The following GJB7 variants were observed in gnomAD, a reference collection of about 807,000 sequenced individuals.
GJB7 encodes the protein gap junction beta-7 protein.
For missense variants in GJB7, 253 were observed against 256.8 expected (o/e 0.99, Z 0.10); for synonymous variants, 87 against 95.2 (o/e 0.91, Z 0.50).
At position 87,303,055 on chromosome 6, in the gene GJB7, C is replaced by T. The variant is rs1414567133; in HGVS notation, c.-27-18116G>A. 3.3e-5 allele frequency among the ~76,000 whole-genome samples: 5 copies of T among 152,112 alleles called. No homozygotes were observed. The East Asian group carries it at 9.6e-4, about 29-fold the overall frequency. The stretch of plus-strand genomic sequence containing the variant: ...TAAACATGGAAAGGAACAACCAGTA[C>T]CAGCCACTGCAAAAACATGCCAAAT... On this transcript the variant is annotated intron_variant, in intron 2 of 2. Coordinates refer to ENST00000525899, the MANE Select transcript of GJB7 (RefSeq NM_198568.3).
chr6:87,298,953 T>C, intron 2 of GJB7: 1 of 450,152 alleles, frequency 2.2e-6, no homozygotes. Context: ...CAATGATTGA[T>C]CAACTGGGGA....
chr6:87,316,356 T>C (rs1489617100), intron 2 of GJB7, among the ~76,000 whole-genome samples: 2 of 152,174 alleles, frequency 1.3e-5, no homozygotes, highest in African/African-American at 4.8e-5. Flanking sequence ...CTTTTCTTTT[T>C]CTTGCATAGC....
intron 2 of GJB7, among the ~76,000 whole-genome samples, chr6:87,287,503 A>G (rs1472421674): frequency 6.6e-6 from 1 of 152,250 alleles, no homozygotes; most frequent in African/African-American, 2.4e-5. Context: ...CATGTACACA[A>G]TGCCCTATTC....
intron 1 of GJB7, among the ~76,000 whole-genome samples, chr6:87,325,593 G>T (rs1776798546): frequency 6.6e-6 from 1 of 150,570 alleles, no homozygotes; most frequent in African/African-American, 2.5e-5. Context: ...TATTGAACCA[G>T]CCTTGCATCC....
chr6:87,327,120 G>A (rs1183745641), intron 1 of GJB7, among the ~76,000 whole-genome samples: 2 of 151,438 alleles, frequency 1.3e-5, no homozygotes, highest in Non-Finnish European at 1.5e-5. Flanking sequence ...CATTTGCTTG[G>A]TAGATGTTCC....
intron 2 of GJB7, among the ~76,000 whole-genome samples, chr6:87,294,532 A>T (rs1243581283): frequency 6.6e-6 from 1 of 152,244 alleles, no homozygotes; most frequent in Non-Finnish European, 1.5e-5. Flanking sequence ...GGGAACCATC[A>T]CACATGTAGA....
intron 2 of GJB7, among the ~76,000 whole-genome samples, chr6:87,304,432 G>T (rs148927476): frequency 0.019 from 2,880 of 152,236 alleles, 94 homozygotes; most frequent in African/African-American, 0.065. Flanking sequence ...TAGAAGAAAT[G>T]GATAAATTTC....
Position 87,283,420 on chromosome 6 carries a change from G to C in GJB7, c.*821C>G, listed in dbSNP as rs1000960012. The C allele has an allele frequency of 5.9e-5, 9 of 152,146 alleles. No homozygotes were observed. Among genetic ancestry groups the C allele is most frequent in the African/African-American group, 9.7e-5 (4 of 41,422 alleles). The allele number at this position is 152,146 out of a possible 1,614,324, so 9.4% of individuals were successfully genotyped here. Reference sequence around the variant, plus strand: ...TTTCTGACTCTAGAGTGACCCTTTCGGATGTCTGCTGGTTCAGGCTTAAGT... The same window carrying C: ...TTTCTGACTCTAGAGTGACCCTTTCCGATGTCTGCTGGTTCAGGCTTAAGT... On this transcript the variant is annotated 3_prime_UTR_variant, in exon 3 of 3. Coordinates refer to ENST00000525899, the MANE Select transcript of GJB7 (RefSeq NM_198568.3).
intron 2 of GJB7, among the ~76,000 whole-genome samples, chr6:87,294,699 C>T (rs1436700457): frequency 6.6e-6 from 1 of 152,190 alleles, no homozygotes; most frequent in East Asian, 1.9e-4. Context: ...GTCTAAAAGA[C>T]AGTGACCAGG....
intron 2 of GJB7, among the ~76,000 whole-genome samples, chr6:87,295,804 C>T (rs1049879470): frequency 3.9e-5 from 6 of 152,144 alleles, no homozygotes; most frequent in African/African-American, 1.4e-4. Context: ...CTCATATTTT[C>T]AATATTTGCA....
At chr6:87,300,171 C>A (rs1582559085) in intron 2 of GJB7, 1 of 220,812 alleles carries the variant, frequency 4.5e-6, no homozygotes, top group South Asian at 1.4e-4. Context: ...AAAGAACACT[C>A]AAAAATCCTG....
rs143082252 is a variant in GJB7 at position 87,318,961 on chromosome 6, T to C, written c.-28+3905A>G. On this transcript the variant is annotated intron_variant, in intron 2 of 2. Transcript: ENST00000525899. ...ATTAAATATTGTCAACCAACTATTC[T>C]TGCCTGAATTTTAAAAAGCGCTAGT... Among the ~76,000 whole-genome samples, 1,232 of 152,332 alleles carry C rather than the reference T, an allele frequency of 8.1e-3. 28 individuals are homozygous for C. Among genetic ancestry groups the C allele is most frequent in the African/African-American group, 0.029 (1,192 of 41,564 alleles).
intron 2 of GJB7, among the ~76,000 whole-genome samples, chr6:87,308,751 A>G (rs1805430601): frequency 6.6e-6 from 1 of 152,148 alleles, no homozygotes; most frequent in African/African-American, 2.4e-5. Flanking sequence ...TTACTGAGGC[A>G]TATCGTGATA....
intron 2 of GJB7, among the ~76,000 whole-genome samples, chr6:87,308,942 T>C (rs1050940757): frequency 2.6e-5 from 4 of 152,236 alleles, no homozygotes; most frequent in Non-Finnish European, 4.4e-5. Context: ...AATAATCTTA[T>C]AGGGAACACA....
At chr6:87,287,006 G>A (rs530468928) in intron 2 of GJB7, among the ~76,000 whole-genome samples, 2 of 152,270 alleles carry the variant, frequency 1.3e-5, no homozygotes, top group African/African-American at 4.8e-5. Context: ...AGGAAGTTTA[G>A]TAGCATCTCT....
chr6:87,328,506 C>G (rs1289282055), intron 1 of GJB7, among the ~76,000 whole-genome samples: 2 of 151,722 alleles, frequency 1.3e-5, no homozygotes. Flanking sequence ...TTGGAGTACC[C>G]GGCCGTGTGA....
At chr6:87,328,585 C>CA (rs1180336194) in intron 1 of GJB7, among the ~76,000 whole-genome samples, 1 of 152,128 alleles carries the variant, frequency 6.6e-6, no homozygotes, top group Non-Finnish European at 1.5e-5. Context: ...GTCAGGGACC[C>CA]ACTTGAGGAG....
In GJB7 at chr6:87,284,522, T is replaced by G; in HGVS notation, c.391A>C (p.Lys131Gln). The G allele has an allele frequency of 6.2e-7, 1 of 1,614,172 alleles. No individual in the cohort carries two copies. The highest frequency in any genetic ancestry group is 8.5e-7 in the Non-Finnish European group (1 of 1,180,020). Residue 131 changes from lysine (K) to glutamine (Q), a missense_variant, in exon 3 of 3, where the codon AAA becomes CAA. Coordinates refer to ENST00000525899, the MANE Select transcript of GJB7 (RefSeq NM_198568.3). ...AGGAAGCCAATTTCAAAACCAGTTT[T>G]AACAATGAGGCTGATAAGATAAGCG... ...WYAYLISLIV[K>Q]TGFEIGFLVL...
intron 2 of GJB7, among the ~76,000 whole-genome samples, chr6:87,315,747 G>C (rs1239158765): frequency 7.5e-6 from 1 of 134,224 alleles, no homozygotes; most frequent in Non-Finnish European, 1.5e-5. Context: ...AGTGAGCCAA[G>C]ATCACACCAC....
Sources: gnomAD v4.1 joint callset for allele counts (sites outside exome capture counted in the v4.1 genomes callset) on GRCh38, gnomAD v4.1.1 for gene constraint, MANE v1.5 for transcripts, NCBI Gene and HGNC (gene_info 2026-07-23, HGNC 2026-07-21) for gene names.